ADAMTS15: variants seen among roughly 807,000 people sequenced by gnomAD.
ADAMTS15 encodes the protein ADAM metallopeptidase with thrombospondin type 1 motif 15.
A neutral mutation model predicts 79.1 loss-of-function variants in ADAMTS15; 35 were observed. That is an observed-to-expected ratio of 0.44 (90% CI 0.34 to 0.59). The LOEUF (loss-of-function observed/expected upper bound fraction) is 0.59. Among genes scored for constraint, ADAMTS15 ranks in the 20% least tolerant of loss-of-function variants. The pLI is 0.02. For missense variants in ADAMTS15, 1,324 were observed against 1,318.7 expected (o/e 1.00, Z -0.06); for synonymous variants, 616 against 567.3 (o/e 1.09, Z -1.22).
chr11:130,450,266 G>A (rs1937936724), intron 1 of ADAMTS15: 1 of 985,384 alleles, frequency 1.0e-6, no homozygotes, highest in African/African-American at 1.7e-5. Context: ...AGACCGATAG[G>A]AGACGCCGTG....
chr11:130,471,971 C>A (rs1010433638), intron 7 of ADAMTS15, among the ~76,000 whole-genome samples: 2 of 152,250 alleles, frequency 1.3e-5, no homozygotes, highest in African/African-American at 4.8e-5. Flanking sequence ...TGCCAAGAGA[C>A]AGCAAGTGGG....
In ADAMTS15 at chr11:130,473,048, C is replaced by T. The variant is rs770244223; in HGVS notation, c.2080C>T (p.His694Tyr). 5 of 1,612,972 alleles carry T rather than the reference C, an allele frequency of 3.1e-6. No individual in the cohort carries two copies. The highest frequency in any genetic ancestry group is 4.2e-6 in the Non-Finnish European group (5 of 1,179,188). ...CACGGCCCCCCTTTCCCCCGCCAGG[C>T]ATGGCTACAATTTCGTGGTGGCCAT... is the stretch of plus-strand genomic sequence containing the variant. ...KVTGLFTKPMHGYNFVVAIPA... is the reference protein window; with the variant it reads ...KVTGLFTKPMYGYNFVVAIPA... The change falls in exon 8 of 8, where the codon CAT becomes TAT. Residue 694 changes from histidine (H) to tyrosine (Y), a missense_variant and splice_region_variant. By Grantham distance (83) the His-to-Tyr change is moderately conservative. Coordinates refer to ENST00000299164, the MANE Select transcript of ADAMTS15 (RefSeq NM_139055.4).
chr11:130,470,189 T>TATATATATATATATACAC (rs1565397878), intron 5 of ADAMTS15, among the ~76,000 whole-genome samples: 3 of 49,836 alleles, frequency 6.0e-5, no homozygotes, highest in African/African-American at 3.1e-4. Flanking sequence ...TATGTGTGTA[T>TATATATATATATATACAC]ATATATATAT....
rs1304866562 is a variant in ADAMTS15, at chr11:130,462,094, G to A, written c.1098G>A (p.Val366=). ...TCTTGCCTTACCCCACAGGCCACGT[G>A]TTCAACATGCCCCATGACAATGTGA... ...AFTTAHELGH[V]FNMPHDNVKV... Residue 366 remains valine, a synonymous_variant, in exon 3 of 8, where the codon GTG becomes GTA. Coordinates refer to ENST00000299164, the MANE Select transcript of ADAMTS15 (RefSeq NM_139055.4). The surrounding 1 kb of genome is among the most constrained non-coding windows in gnomAD (Gnocchi z 4.3). 7 of 1,613,118 alleles carry A rather than the reference G, an allele frequency of 4.3e-6. No individual in the cohort carries two copies. Among genetic ancestry groups the A allele is most frequent in the East Asian group, 2.2e-5 (1 of 44,836 alleles).
chr11:130,469,235 A>G, intron 4 of ADAMTS15, 27 bp from the exon 5 acceptor site: 1 of 1,369,566 alleles, frequency 7.3e-7, no homozygotes, highest in Non-Finnish European at 9.5e-7. Context: ...GGATCCACCA[A>G]GGAATATAAC....
Position 130,476,628 on chromosome 11 carries a change from G to A in ADAMTS15, c.*2807G>A, listed in dbSNP as rs911872329. On this transcript the variant is annotated 3_prime_UTR_variant, in exon 8 of 8. Transcript: ENST00000299164. ...ACCACAGCCTTCTCCTAATAAAGCTGTAAGTATTTAAAACCTGTGTCCTGC... is the reference window on the plus strand; with the variant it reads ...ACCACAGCCTTCTCCTAATAAAGCTATAAGTATTTAAAACCTGTGTCCTGC... 5 of 152,276 alleles carry A rather than the reference G, an allele frequency of 3.3e-5. No individual in the cohort carries two copies. Among genetic ancestry groups the A allele is most frequent in the African/African-American group, 1.2e-4 (5 of 41,444 alleles). 9.4% of individuals were successfully genotyped at this position (152,276 alleles called of 1,614,324 possible).
intron 1 of ADAMTS15, among the ~76,000 whole-genome samples, chr11:130,455,461 A>G (rs956931851): frequency 6.6e-6 from 1 of 152,196 alleles, no homozygotes; most frequent in African/African-American, 2.4e-5. Flanking sequence ...TAGTCTTTGT[A>G]AGCCCCTTGG....
intron 1 of ADAMTS15, among the ~76,000 whole-genome samples, chr11:130,459,799 G>C (rs1383711081): frequency 6.6e-6 from 1 of 152,206 alleles, no homozygotes; most frequent in African/African-American, 2.4e-5. Context: ...TGAGTGCTTT[G>C]GATTAAATTT....
chr11:130,463,403 A>C (rs922404976), intron 4 of ADAMTS15, among the ~76,000 whole-genome samples: 15 of 152,212 alleles, frequency 9.9e-5, no homozygotes, highest in African/African-American at 3.6e-4. Flanking sequence ...CAGAATGCCA[A>C]ATATTCTCTG....
intron 5 of ADAMTS15, 99 bp downstream of exon 5, chr11:130,469,538 AATT>A: frequency 1.1e-6 from 1 of 948,266 alleles, no homozygotes; most frequent in Non-Finnish European, 1.4e-6. Context: ...GCCTCCAGGT[AATT>A]GGGTACACAG....
At position 130,462,119 on chromosome 11, in the gene ADAMTS15, A is replaced by G; in HGVS notation, c.1123A>G (p.Lys375Glu). 1.2e-6 allele frequency: 2 copies of G among 1,613,950 alleles called. No individual in the cohort carries two copies. The highest frequency in any genetic ancestry group is 1.7e-6 in the Non-Finnish European group (2 of 1,179,990). ...GTTCAACATGCCCCATGACAATGTG[A>G]AAGTCTGTGAGGAGGTGTTTGGGAA... The part of the protein sequence containing the change: ...HVFNMPHDNV[K>E]VCEEVFGKLR... The change falls in exon 3 of 8, where the codon AAA (lysine) becomes GAA (glutamate). Residue 375 changes from lysine (K) to glutamate (E), a missense_variant. Physicochemically the swap from Lys to Glu is moderately conservative, Grantham distance 56. Coordinates refer to ENST00000299164, the MANE Select transcript of ADAMTS15 (RefSeq NM_139055.4). This position sits in a 1 kb window ranked among gnomAD's most constrained non-coding sequence, Gnocchi z 4.3.
At position 130,464,066 on chromosome 11, in the gene ADAMTS15, T is replaced by C. The variant is rs550008952; in HGVS notation, c.1542+1286T>C. 6.6e-5 allele frequency among the ~76,000 whole-genome samples: 10 copies of C among 152,216 alleles called. No homozygotes were observed. In the South Asian group the frequency reaches 2.1e-3, roughly 32 times the overall value. On this transcript the variant is annotated intron_variant, in intron 4 of 7. Coordinates refer to ENST00000299164, the MANE Select transcript of ADAMTS15 (RefSeq NM_139055.4). The stretch of plus-strand genomic sequence containing the variant: ...GGCAGGTCGGAGTGAGCTGCAGGGC[T>C]GTGTAGATGAGGGCTCTATGGGAAC...
chr11:130,464,986 A>G (rs1938272394), intron 4 of ADAMTS15, among the ~76,000 whole-genome samples: 1 of 150,970 alleles, frequency 6.6e-6, no homozygotes, highest in African/African-American at 2.5e-5. Context: ...AAAAAAAAAG[A>G]AAAAGAAAAA....
At position 130,449,395 on chromosome 11, in the gene ADAMTS15, ATGC is replaced by A. The variant is rs1353092052; in HGVS notation, c.424_426del (p.Ala142del). 6.3e-7 allele frequency: 1 copy of A among 1,599,816 alleles called. No homozygotes were observed. The highest frequency in any genetic ancestry group is 8.5e-7 in the Non-Finnish European group (1 of 1,177,734). Reference sequence around the variant, plus strand: ...GAGTATGTCATTAGCCCGCTGCCCAATGCTAGCGCGCCGGCGGCGCAGCGCAAC... The same window carrying A: ...GAGTATGTCATTAGCCCGCTGCCCAATAGCGCGCCGGCGGCGCAGCGCAAC... On this transcript the variant is annotated inframe_deletion, in exon 1 of 8. Coordinates refer to ENST00000299164, the MANE Select transcript of ADAMTS15 (RefSeq NM_139055.4). This position sits in a 1 kb window ranked among gnomAD's most constrained non-coding sequence, Gnocchi z 7.8.
Position 130,473,277 on chromosome 11 carries a change from A to G in ADAMTS15, c.2309A>G (p.Gln770Arg), listed in dbSNP as rs776537988. The change falls in exon 8 of 8, where the codon CAG (glutamine) becomes CGG (arginine). Residue 770 changes from glutamine to arginine, a missense_variant. By Grantham distance (43) the Gln-to-Arg change is conservative (BLOSUM62 1). Transcript: ENST00000299164. ...SGTGTAVESL[Q>R]ASRPILEPLT... The stretch of plus-strand genomic sequence containing the variant: ...ACGGGCACAGCGGTGGAGAGCCTGC[A>G]GGCTTCCCGGCCCATCCTGGAGCCG... 3.2e-5 allele frequency: 52 copies of G among 1,613,136 alleles called. No individual in the cohort carries two copies. Among genetic ancestry groups the G allele is most frequent in the Middle Eastern group, 3.3e-4 (2 of 6,082 alleles).
In ADAMTS15 at chr11:130,474,092, C is replaced by A; in HGVS notation, c.*271C>A. On this transcript the variant is annotated 3_prime_UTR_variant, in exon 8 of 8. Coordinates refer to ENST00000299164, the MANE Select transcript of ADAMTS15 (RefSeq NM_139055.4). The stretch of plus-strand genomic sequence containing the variant: ...GCTTTGAGGTGCAGGGCAGAAGGTG[C>A]TGAGGCCCAGTTTCCAAGGAACTTG... 2.5e-6 allele frequency: 1 copy of A among 395,980 alleles called. No individual in the cohort carries two copies. The highest frequency in any genetic ancestry group is 4.5e-6 in the Non-Finnish European group (1 of 224,284). 24.5% of individuals were successfully genotyped at this position (395,980 alleles called of 1,614,324 possible). A position where few individuals can be genotyped will look rare whatever the true frequency, so the allele number is the denominator to read the frequency against.
chr11:130,471,154 C>A, intron 6 of ADAMTS15, 53 bp downstream of exon 6: 2 of 1,591,394 alleles, frequency 1.3e-6, no homozygotes, highest in South Asian at 1.2e-5. Flanking sequence ...TTCCGGGGAG[C>A]ATCAGCTGAG....
Position 130,462,023 on chromosome 11 carries a change from AT to A in ADAMTS15, c.1091-62del. Reference sequence around the variant, plus strand: ...ATGGGCTTTCTAGTTCCCCTGCCCCATTCCTCCCTCCAACCCCCATGTCCTT... The same window carrying A: ...ATGGGCTTTCTAGTTCCCCTGCCCCATCCTCCCTCCAACCCCCATGTCCTT... On this transcript the variant is annotated intron_variant, in intron 2 of 7. Transcript: ENST00000299164. This position sits in a 1 kb window ranked among gnomAD's most constrained non-coding sequence, Gnocchi z 4.3. 1.1e-6 allele frequency: 1 copy of A among 943,068 alleles called. No individual in the cohort carries two copies. Among genetic ancestry groups the A allele is most frequent in the Non-Finnish European group, 1.6e-6 (1 of 611,222 alleles). 58.4% of individuals were successfully genotyped at this position (943,068 alleles called of 1,614,324 possible).
intron 1 of ADAMTS15, among the ~76,000 whole-genome samples, chr11:130,461,250 G>A (rs573605497): frequency 7.6e-4 from 115 of 152,270 alleles, no homozygotes; most frequent in African/African-American, 2.7e-3. Flanking sequence ...TAGGGTTTGG[G>A]CAGAGTGTTT....
Sources: gnomAD v4.1 joint callset for allele counts (sites outside exome capture counted in the v4.1 genomes callset) on GRCh38, gnomAD v4.1.1 for gene constraint, Gnocchi (gnomAD v3.1) non-coding constraint, MANE v1.5 for transcripts, NCBI Gene and HGNC (gene_info 2026-07-23, HGNC 2026-07-21) for gene names.